The following TOX variants were observed in gnomAD, a reference collection of about 807,000 sequenced individuals.
The protein encoded by TOX is thymocyte selection associated high mobility group box.
Under a neutral mutation model 53.7 loss-of-function variants are expected in TOX, and 11 were observed. That is an observed-to-expected ratio of 0.20 (90% CI 0.13 to 0.34). TOX has a LOEUF of 0.34. Ranked by LOEUF, TOX falls within the 10% of genes least tolerant of loss-of-function variation. The pLI is 1.00. For synonymous variants in TOX, 225 were observed against 245.3 expected (o/e 0.92, Z 0.77); for missense variants, 570 against 664.6 (o/e 0.86, Z 1.56).
At chr8:58,984,487 G>A (rs575867251) in intron 1 of TOX, among the ~76,000 whole-genome samples, 1 of 152,210 alleles carries the variant, frequency 6.6e-6, no homozygotes, top group South Asian at 2.1e-4. Context: ...TGTTAGGATG[G>A]CTATCATAAA....
intron 7 of TOX, among the ~76,000 whole-genome samples, chr8:58,814,164 A>G (rs1810132378): frequency 6.6e-6 from 1 of 152,162 alleles, no homozygotes; most frequent in Admixed American, 6.5e-5. Context: ...TAATAATAAT[A>G]ATGAATTGGG....
At chr8:58,852,956 T>C (rs1477713016) in intron 3 of TOX, among the ~76,000 whole-genome samples, 1 of 152,238 alleles carries the variant, frequency 6.6e-6, no homozygotes, top group African/African-American at 2.4e-5. Flanking sequence ...GAAGGCAAAT[T>C]AAGTAACCTA....
At chr8:58,902,323 G>T (rs1811745419) in intron 3 of TOX, among the ~76,000 whole-genome samples, 1 of 152,108 alleles carries the variant, frequency 6.6e-6, no homozygotes, top group Non-Finnish European at 1.5e-5. Flanking sequence ...CTCTGTGCAT[G>T]AATGAAAAAT....
chr8:58,949,100 ATAGTCTCCAATTCAT>A (rs1353780405), intron 2 of TOX, among the ~76,000 whole-genome samples: 1 of 152,210 alleles, frequency 6.6e-6, no homozygotes, highest in Non-Finnish European at 1.5e-5. Flanking sequence ...AGGGATGATG[ATAGTCTCCAATTCAT>A]TAAGGATATA....
At chr8:58,872,837 CT>C (rs1412492250) in intron 3 of TOX, among the ~76,000 whole-genome samples, 2 of 152,060 alleles carry the variant, frequency 1.3e-5, no homozygotes, top group Non-Finnish European at 2.9e-5. Flanking sequence ...CAGGGAAAAG[CT>C]GAGGAAATAC....
At chr8:59,052,585 C>A (rs949916713) in intron 1 of TOX, among the ~76,000 whole-genome samples, 1 of 152,162 alleles carries the variant, frequency 6.6e-6, no homozygotes, top group Non-Finnish European at 1.5e-5. Context: ...TGCTCTCCCC[C>A]AGCAATGGTC....
chr8:59,067,127 G>A lies in TOX; in HGVS notation c.102+51759C>T, dbSNP rs1270051026. Among the ~76,000 whole-genome samples, 4 of 150,068 alleles carry A rather than the reference G, an allele frequency of 2.7e-5. No individual in the cohort carries two copies. In the East Asian group the frequency reaches 7.7e-4, roughly 29 times the overall value. Reference sequence around the variant, plus strand: ...TACTGCAAATCCAGAAGGGGGGCCGGGGGGTTGATATGCTACCAATTTTTA... The same window carrying A: ...TACTGCAAATCCAGAAGGGGGGCCGAGGGGTTGATATGCTACCAATTTTTA... On this transcript the variant is annotated intron_variant, in intron 1 of 8. Coordinates refer to ENST00000361421, the MANE Select transcript of TOX (RefSeq NM_014729.3).
chr8:58,900,761 A>T (rs1811723985), intron 3 of TOX, among the ~76,000 whole-genome samples: 2 of 152,134 alleles, frequency 1.3e-5, no homozygotes, highest in Non-Finnish European at 1.5e-5. Flanking sequence ...AAATATATGT[A>T]TTTCTCCAAA....
intron 3 of TOX, among the ~76,000 whole-genome samples, chr8:58,894,785 A>C (rs1043297885): frequency 1.3e-5 from 2 of 152,024 alleles, no homozygotes; most frequent in African/African-American, 4.8e-5. Flanking sequence ...AATCCCAAAT[A>C]CTCGGGAGGC....
chr8:58,863,200 A>G (rs1811039634), intron 3 of TOX, among the ~76,000 whole-genome samples: 1 of 152,164 alleles, frequency 6.6e-6, no homozygotes, highest in Admixed American at 6.6e-5. Flanking sequence ...CACATTTTCA[A>G]TCTCTATTTC....
intron 7 of TOX, among the ~76,000 whole-genome samples, chr8:58,810,157 AATTT>A (rs533806943): frequency 3.3e-5 from 5 of 151,518 alleles, no homozygotes; most frequent in African/African-American, 4.8e-5. Flanking sequence ...GGCTAATTTA[AATTT>A]ATTTATTTAT....
intron 1 of TOX, among the ~76,000 whole-genome samples, chr8:59,057,400 T>C (rs999841350): frequency 3.3e-5 from 5 of 152,176 alleles, no homozygotes; most frequent in African/African-American, 7.2e-5. Flanking sequence ...CATAGGTTTG[T>C]TGTGAGAATT....
In TOX at chr8:58,808,193, A is replaced by G. The variant is rs1473131387; in HGVS notation, c.1469T>C (p.Met490Thr). Residue 490 changes from methionine to threonine, a missense_variant, in exon 8 of 9, where the codon ATG (methionine) becomes ACG (threonine). By Grantham distance (81) the Met-to-Thr change is moderately conservative (BLOSUM62 -1). Transcript: ENST00000361421. Reference protein sequence around the residue: ...STAAQVVTQAMEYVRSGCRNP... With the variant: ...STAAQVVTQATEYVRSGCRNP... Reference sequence around the variant, plus strand: ...TCTGCACCCCGAACGCACATACTCCATTGCCTGGGTGACAACTTGTGCAGC... The same window carrying G: ...TCTGCACCCCGAACGCACATACTCCGTTGCCTGGGTGACAACTTGTGCAGC... 1 of 1,614,112 alleles carries G rather than the reference A, an allele frequency of 6.2e-7. No individual in the cohort carries two copies. Among genetic ancestry groups the G allele is most frequent in the Middle Eastern group, 1.7e-4 (1 of 6,058 alleles).
rs770418404 is a variant in TOX, at chr8:58,939,428, A to T, written c.285T>A (p.Ser95=). 31 of 1,614,060 alleles carry T rather than the reference A, an allele frequency of 1.9e-5. No homozygotes were observed. The highest frequency in any genetic ancestry group is 2.5e-5 in the Non-Finnish European group (30 of 1,180,036). ...HLNEVESGYH[S]LCHPMNHNGL... is the part of the protein sequence containing the mutation. ...CATTATGGTTCATGGGGTGACACAG[A>T]GAATGGTAACCAGACTCAACTTCAT... Residue 95 remains serine (S), a synonymous_variant, in exon 3 of 9, where the codon TCT becomes TCA. Coordinates refer to ENST00000361421, the MANE Select transcript of TOX (RefSeq NM_014729.3).
In TOX at chr8:58,879,665, C is replaced by T. The variant is rs373404336; in HGVS notation, c.412-27860G>A. On this transcript the variant is annotated intron_variant, in intron 3 of 8. Transcript: ENST00000361421. ...CCTTTGGGGAATGCCACAGTACGTT[C>T]CCTGCAAAAAATCGAGAGACTGGCT... Among the ~76,000 whole-genome samples, 13 of 152,244 alleles carry T rather than the reference C, an allele frequency of 8.5e-5. No homozygotes were observed. The East Asian group carries it at 2.1e-3, about 25-fold the overall frequency.
At chr8:58,888,771 A>G (rs1811513185) in intron 3 of TOX, among the ~76,000 whole-genome samples, 1 of 152,036 alleles carries the variant, frequency 6.6e-6, no homozygotes, top group Non-Finnish European at 1.5e-5. Context: ...CATAATAGAA[A>G]TAAATCATCA....
chr8:59,049,573 A>G (rs913448875), intron 1 of TOX, among the ~76,000 whole-genome samples: 3 of 152,208 alleles, frequency 2.0e-5, no homozygotes, highest in Admixed American at 2.0e-4. Flanking sequence ...CAACCAAAGT[A>G]GACCAATAGC....
intron 1 of TOX, among the ~76,000 whole-genome samples, chr8:59,087,471 T>C (rs916998201): frequency 1.3e-5 from 2 of 152,156 alleles, no homozygotes; most frequent in Non-Finnish European, 2.9e-5. Context: ...GTGGAATAGA[T>C]CACATTTGAC....
chr8:58,901,987 T>C (rs1811740284), intron 3 of TOX, among the ~76,000 whole-genome samples: 1 of 152,220 alleles, frequency 6.6e-6, no homozygotes, highest in East Asian at 1.9e-4. Context: ...GTGTTGTATA[T>C]TAACATAGTA....
Sources: allele counts gnomAD v4.1 joint callset (sites outside exome capture counted in the v4.1 genomes callset), GRCh38; gene constraint gnomAD v4.1.1; transcripts MANE v1.5; gene names NCBI Gene and HGNC (gene_info 2026-07-23, HGNC 2026-07-21).